SLC9C1: variants seen among roughly 807,000 people sequenced by gnomAD.
SLC9C1 encodes sodium/hydrogen exchanger 10.
In SLC9C1, 97 loss-of-function variants were observed where a neutral mutation model predicts 140.9. The observed-to-expected ratio is 0.69, with a 90% CI of 0.58 to 0.82. The LOEUF (loss-of-function observed/expected upper bound fraction) is 0.82, where lower values mean the gene tolerates loss of function less well. Ranked by LOEUF, SLC9C1 falls within the 40% of genes least tolerant of loss-of-function variation. The probability of loss-of-function intolerance (pLI) is 0.00; values close to 1 mark genes in which losing one functional copy is unlikely to be tolerated. For synonymous variants in SLC9C1, 440 were observed against 442.6 expected, an observed-to-expected ratio of 0.99 and a Z score of 0.07; for missense variants, 1,340 against 1,389.3, an observed-to-expected ratio of 0.96 and a Z score of 0.56.
chr3:112,260,450 TTAGTAA>T (rs923047188), intron 10 of SLC9C1, among the ~76,000 whole-genome samples: 1 of 152,048 alleles, frequency 6.6e-6, no homozygotes, highest in African/African-American at 2.4e-5. Context: ...ATTTTTTCCC[TTAGTAA>T]TAGACCACAT....
At chr3:112,168,791 A>G in intron 25 of SLC9C1, 86 bp downstream of exon 25, 1 of 1,259,864 alleles carries the variant, frequency 7.9e-7, no homozygotes. Context: ...GAAAAGCTTA[A>G]GATTATAGTG....
chr3:112,213,394 T>A (rs2078263194), intron 15 of SLC9C1, among the ~76,000 whole-genome samples: 2 of 152,160 alleles, frequency 1.3e-5, no homozygotes, highest in Admixed American at 1.3e-4. Flanking sequence ...ATGCTCCAAT[T>A]AAAAGACACA....
At chr3:112,282,000 G>T (rs1302615541) in intron 2 of SLC9C1, among the ~76,000 whole-genome samples, 1 of 152,148 alleles carries the variant, frequency 6.6e-6, no homozygotes, top group East Asian at 1.9e-4. Context: ...TCTAGTTCAT[G>T]GCCTAATTGA....
chr3:112,278,777 A>G lies in SLC9C1; in HGVS notation c.270T>C (p.Thr90=). The change falls in exon 4 of 29, where the codon ACT becomes ACC. Residue 90 remains threonine (T), a synonymous_variant. Transcript: ENST00000305815. ...FRIFTPVVFF[T]TAFDMDTYML... ...TGTACGTATCCATGTCAAATGCAGTAGTAAAGAAAACTACTGGTGTAAATA... is the reference window on the plus strand; with the variant it reads ...TGTACGTATCCATGTCAAATGCAGTGGTAAAGAAAACTACTGGTGTAAATA... The G allele has an allele frequency of 1.2e-6, 2 of 1,611,066 alleles. No individual in the cohort carries two copies. The highest frequency in any genetic ancestry group is 1.7e-6 in the Non-Finnish European group (2 of 1,178,776).
Position 112,169,319 on chromosome 3 carries a change from T to C in SLC9C1, c.2929A>G (p.Ile977Val). ...TCKTVVETCFIPKTHLYDAFE... is the reference protein window; with the variant it reads ...TCKTVVETCFVPKTHLYDAFE... The stretch of plus-strand genomic sequence containing the variant: ...GCATCATACAAGTGAGTTTTGGGAA[T>C]AAAACATGTCTGGAAAAGAAGGATG... Residue 977 changes from isoleucine (I) to valine (V), a missense_variant, in exon 24 of 29, where the codon ATT (isoleucine) becomes GTT (valine). By Grantham distance (29) the Ile-to-Val change is conservative. Transcript: ENST00000305815. The C allele has an allele frequency of 6.2e-7, 1 of 1,607,456 alleles. No individual in the cohort carries two copies. The highest frequency in any genetic ancestry group is 8.5e-7 in the Non-Finnish European group (1 of 1,178,030).
At chr3:112,275,625 A>G (rs1026674217) in intron 5 of SLC9C1, among the ~76,000 whole-genome samples, 2 of 152,172 alleles carry the variant, frequency 1.3e-5, no homozygotes, top group African/African-American at 2.4e-5. Context: ...TGGTAAGACT[A>G]CAACTTTGAC....
At chr3:112,263,313 T>C (rs1326871109) in intron 9 of SLC9C1, among the ~76,000 whole-genome samples, 1 of 151,908 alleles carries the variant, frequency 6.6e-6, no homozygotes, top group East Asian at 1.9e-4. Flanking sequence ...TTCTTTCTAC[T>C]AGGTGAGTAG....
chr3:112,148,346 C>T (rs888433590), intron 28 of SLC9C1, among the ~76,000 whole-genome samples: 8 of 152,102 alleles, frequency 5.3e-5, no homozygotes, highest in African/African-American at 1.9e-4. Flanking sequence ...TTTCATGGTG[C>T]CAGAATTCTT....
chr3:112,271,982 T>G (rs566336991), intron 6 of SLC9C1, among the ~76,000 whole-genome samples: 7 of 150,002 alleles, frequency 4.7e-5, no homozygotes, highest in East Asian at 1.9e-4. Flanking sequence ...TTCTTTGGTG[T>G]TGTTACTTTT....
At chr3:112,245,769 C>T (rs975414067) in intron 10 of SLC9C1, among the ~76,000 whole-genome samples, 5 of 152,214 alleles carry the variant, frequency 3.3e-5, no homozygotes, top group East Asian at 3.9e-4. Flanking sequence ...ATTGGAATTG[C>T]AATGAGTATA....
intron 20 of SLC9C1, chr3:112,185,554 G>A (rs1452735842): frequency 5.0e-6 from 8 of 1,613,180 alleles, no homozygotes; most frequent in Non-Finnish European, 6.8e-6. Context: ...GATCTCCGCA[G>A]CACACACACT....
At position 112,208,301 on chromosome 3, in the gene SLC9C1, T is replaced by C. The variant is rs1200950079; in HGVS notation, c.1863A>G (p.Ile621Met). The C allele has an allele frequency of 6.2e-7, 1 of 1,609,160 alleles. No individual in the cohort carries two copies. The highest frequency in any genetic ancestry group is 2.2e-5 in the East Asian group (1 of 44,742). Residue 621 changes from isoleucine to methionine, a missense_variant, in exon 16 of 29, where the codon ATA becomes ATG. Physicochemically the swap from Ile to Met is conservative, Grantham distance 10. Transcript: ENST00000305815. ...TTATAAAGGGAAATATATTCATTAA[T>C]ATCACAAGGTATCCAACATGTTCAA... Reference protein sequence around the residue: ...EEFEHVGYLVILMNIFPFIIS... With the variant: ...EEFEHVGYLVMLMNIFPFIIS...
At chr3:112,281,826 G>A (rs923313051) in intron 2 of SLC9C1, among the ~76,000 whole-genome samples, 2 of 152,196 alleles carry the variant, frequency 1.3e-5, no homozygotes, top group African/African-American at 4.8e-5. Context: ...TGGAAGAATG[G>A]TGACTTAATT....
chr3:112,288,722 T>C (rs1202137067), intron 1 of SLC9C1, among the ~76,000 whole-genome samples: 1 of 152,168 alleles, frequency 6.6e-6, no homozygotes, highest in African/African-American at 2.4e-5. Flanking sequence ...ATCGTGACAC[T>C]GCATTCCAAC....
intron 21 of SLC9C1, among the ~76,000 whole-genome samples, chr3:112,181,042 C>CA (rs2077430291): frequency 6.6e-6 from 1 of 152,182 alleles, no homozygotes; most frequent in Non-Finnish European, 1.5e-5. Flanking sequence ...AGGCGTGAGC[C>CA]ACCATACCCG....
At chr3:112,199,141 T>C (rs1360617926) in intron 20 of SLC9C1, among the ~76,000 whole-genome samples, 180 bp downstream of exon 20, 1 of 151,538 alleles carries the variant, frequency 6.6e-6, no homozygotes, top group Non-Finnish European at 1.5e-5. Flanking sequence ...AAAGAGAAGC[T>C]GACCACCTGG....
chr3:112,267,439 C>T (rs1237684179), intron 7 of SLC9C1, among the ~76,000 whole-genome samples: 2 of 151,044 alleles, frequency 1.3e-5, no homozygotes, highest in Non-Finnish European at 3.0e-5. Flanking sequence ...AGCCGGGCGT[C>T]GTGGCGGGCA....
chr3:112,273,180 A>G (rs2080122141), intron 6 of SLC9C1, among the ~76,000 whole-genome samples: 1 of 152,008 alleles, frequency 6.6e-6, no homozygotes, highest in African/African-American at 2.4e-5. Context: ...TTCTGAATAT[A>G]GAAATTTCTT....
At chr3:112,210,105 G>A (rs2078161273) in intron 15 of SLC9C1, among the ~76,000 whole-genome samples, 1 of 152,150 alleles carries the variant, frequency 6.6e-6, no homozygotes, top group African/African-American at 2.4e-5. Flanking sequence ...AAACAATTTG[G>A]TGGTTACTCA....
Sources: allele counts gnomAD v4.1 joint callset (sites outside exome capture counted in the v4.1 genomes callset), GRCh38; gene constraint gnomAD v4.1.1; transcripts MANE v1.5; gene names NCBI Gene and HGNC (gene_info 2026-07-23, HGNC 2026-07-21).